ST8SIA5: variants seen among roughly 807,000 people sequenced by gnomAD.
The protein encoded by ST8SIA5 is alpha-2,8-sialyltransferase 8E.
A neutral mutation model predicts 40.2 loss-of-function variants in ST8SIA5; 24 were observed. The observed-to-expected ratio is 0.60, with a 90% CI of 0.43 to 0.84. The LOEUF (loss-of-function observed/expected upper bound fraction) is 0.84. ST8SIA5 is among the 40% of genes least tolerant of loss of function. The probability of loss-of-function intolerance (pLI) is 0.00; values close to 1 mark genes in which losing one functional copy is unlikely to be tolerated. For synonymous variants in ST8SIA5, 198 were observed against 201.8 expected (o/e 0.98, Z 0.16); for missense variants, 465 against 498.5 (o/e 0.93, Z 0.64).
At chr18:46,728,640 G>A (rs550907520) in intron 1 of ST8SIA5, among the ~76,000 whole-genome samples, 15 of 152,310 alleles carry the variant, frequency 9.8e-5, no homozygotes, top group African/African-American at 3.1e-4. Context: ...CCAAGAGACT[G>A]GCCATGTGCT....
chr18:46,724,254 T>C (rs1401009650), intron 1 of ST8SIA5, among the ~76,000 whole-genome samples: 3 of 152,274 alleles, frequency 2.0e-5, no homozygotes, highest in East Asian at 3.9e-4. Context: ...AGCCAGACCC[T>C]GGGCTGAGGA....
At position 46,756,646 on chromosome 18, in the gene ST8SIA5, A is replaced by G; in HGVS notation, c.-138T>C. The G allele has an allele frequency of 9.3e-7, 1 of 1,072,342 alleles. No homozygotes were observed. 66.4% of individuals were successfully genotyped at this position (1,072,342 alleles called of 1,614,324 possible). A position where few individuals can be genotyped will look rare whatever the true frequency, so the allele number is the denominator to read the frequency against. The stretch of plus-strand genomic sequence containing the variant: ...GCAGGCGGGGGACTTCGAGGGGCAA[A>G]GTTTCTGGTTGGCGCGGCCGGAGCT... On this transcript the variant is annotated 5_prime_UTR_variant, in exon 1 of 7. Transcript: ENST00000315087.
intron 2 of ST8SIA5, among the ~76,000 whole-genome samples, chr18:46,696,611 A>C (rs2039559312): frequency 6.6e-6 from 1 of 152,208 alleles, no homozygotes; most frequent in South Asian, 2.1e-4. Context: ...TGTAAGTTGG[A>C]TATAACGGCT....
intron 1 of ST8SIA5, among the ~76,000 whole-genome samples, chr18:46,722,452 G>C (rs1224462598): frequency 6.6e-6 from 1 of 152,228 alleles, no homozygotes; most frequent in Non-Finnish European, 1.5e-5. Context: ...AGTGCACCTG[G>C]CTTCTGAATG....
At chr18:46,745,501 C>T (rs187898628) in intron 1 of ST8SIA5, among the ~76,000 whole-genome samples, 1 of 152,322 alleles carries the variant, frequency 6.6e-6, no homozygotes, top group African/African-American at 2.4e-5. Context: ...CATACACCCT[C>T]CCAAGACTAA....
intron 1 of ST8SIA5, among the ~76,000 whole-genome samples, chr18:46,751,763 G>T (rs997350167): frequency 6.6e-6 from 1 of 152,162 alleles, no homozygotes; most frequent in African/African-American, 2.4e-5. Flanking sequence ...GCCAAGTATT[G>T]CTTCACAAAA....
chr18:46,730,200 A>T (rs2039972670), intron 1 of ST8SIA5: 2 of 985,170 alleles, frequency 2.0e-6, no homozygotes, highest in African/African-American at 1.7e-5. Context: ...CAAGCAGATG[A>T]CTCACCTCCA....
At chr18:46,692,867 CA>C in intron 2 of ST8SIA5, among the ~76,000 whole-genome samples, 1 of 122,126 alleles carries the variant, frequency 8.2e-6, no homozygotes, top group Non-Finnish European at 1.7e-5. Flanking sequence ...ATCCCCTCCC[CA>C]CCCCCCACCC....
At chr18:46,708,239 G>A (rs905609126) in intron 1 of ST8SIA5, among the ~76,000 whole-genome samples, 1 of 152,140 alleles carries the variant, frequency 6.6e-6, no homozygotes, top group Non-Finnish European at 1.5e-5. Context: ...TTGATGGCAG[G>A]CCTGAGTCAG....
At chr18:46,730,251 G>T (rs144271957) in intron 1 of ST8SIA5, 1 of 985,160 alleles carries the variant, frequency 1.0e-6, no homozygotes, top group East Asian at 1.1e-4. Context: ...AGGGGGGCTC[G>T]CATTCCACCA....
chr18:46,703,098 G>A (rs546294234), intron 2 of ST8SIA5, among the ~76,000 whole-genome samples: 10 of 152,322 alleles, frequency 6.6e-5, no homozygotes, highest in Middle Eastern at 3.4e-3. Flanking sequence ...TATGATGTGC[G>A]CTACTGAGCA....
chr18:46,720,628 C>G (rs942159024), intron 1 of ST8SIA5, among the ~76,000 whole-genome samples: 1 of 152,084 alleles, frequency 6.6e-6, no homozygotes, highest in African/African-American at 2.4e-5. Context: ...GAGTTACCCC[C>G]TCCTTAAAAA....
intron 2 of ST8SIA5, among the ~76,000 whole-genome samples, chr18:46,701,948 C>G (rs1333849715): frequency 6.6e-6 from 1 of 152,048 alleles, no homozygotes; most frequent in Non-Finnish European, 1.5e-5. Context: ...GAGTTCAAGA[C>G]CAGCCTGATC....
chr18:46,723,460 G>A (rs1227441120), intron 1 of ST8SIA5, among the ~76,000 whole-genome samples: 1 of 152,176 alleles, frequency 6.6e-6, no homozygotes, highest in Non-Finnish European at 1.5e-5. Context: ...GCTAAGGCGG[G>A]AGAATCCCTT....
chr18:46,756,330 C>T (rs779826446), intron 1 of ST8SIA5, 48 bp downstream of exon 1: 1 of 1,599,424 alleles, frequency 6.3e-7, no homozygotes, highest in African/African-American at 1.4e-5. Flanking sequence ...CACCCGGGGG[C>T]TCGCCGGCCG....
At chr18:46,714,129 T>G (rs2039761575) in intron 1 of ST8SIA5, among the ~76,000 whole-genome samples, 1 of 152,080 alleles carries the variant, frequency 6.6e-6, no homozygotes. Flanking sequence ...TGGGGAAGGA[T>G]GGCCTCTTTG....
intron 1 of ST8SIA5, among the ~76,000 whole-genome samples, chr18:46,753,233 T>C (rs977695534): frequency 6.6e-6 from 1 of 152,192 alleles, no homozygotes; most frequent in Admixed American, 6.5e-5. Context: ...GAACATCTTA[T>C]GTGCTGGACA....
At chr18:46,754,545 C>G (rs1437683955) in intron 1 of ST8SIA5, among the ~76,000 whole-genome samples, 1 of 152,168 alleles carries the variant, frequency 6.6e-6, no homozygotes, top group African/African-American at 2.4e-5. Flanking sequence ...CAGCCCTATA[C>G]AAGTTTTGCC....
Position 46,672,589 on chromosome 18 carries a change from T to C in ST8SIA5, c.*7453A>G, listed in dbSNP as rs558405908. 1 of 149,348 alleles carries C rather than the reference T, an allele frequency of 6.7e-6. No homozygotes were observed. Among genetic ancestry groups the C allele is most frequent in the African/African-American group, 2.5e-5 (1 of 40,372 alleles). 9.3% of individuals were successfully genotyped at this position (149,348 alleles called of 1,614,324 possible). On this transcript the variant is annotated 3_prime_UTR_variant, in exon 7 of 7. Coordinates refer to ENST00000315087, the MANE Select transcript of ST8SIA5 (RefSeq NM_013305.6). ...AACAGCTAAGTCATGGAAGTGTATG[T>C]TTTTGCTTTTGGTTTTTTTCCTTTG...
Sources: gnomAD v4.1 joint callset for allele counts (sites outside exome capture counted in the v4.1 genomes callset) on GRCh38, gnomAD v4.1.1 for gene constraint, MANE v1.5 for transcripts, NCBI Gene and HGNC (gene_info 2026-07-23, HGNC 2026-07-21) for gene names.